The following ADRA1A variants were observed in gnomAD, a reference collection of about 807,000 sequenced individuals.
ADRA1A encodes the protein alpha-1A adrenergic receptor.
ADRA1A carries 31 observed loss-of-function variants against 29.6 expected under a neutral mutation model. That is an observed-to-expected ratio of 1.05 (90% CI 0.79 to 1.41). The LOEUF is 1.41. ADRA1A is among the 40% of genes most tolerant of loss of function. The pLI is 0.00. For synonymous variants in ADRA1A, 311 were observed against 254.3 expected (o/e 1.22, Z -2.12); for missense variants, 619 against 601.1 (o/e 1.03, Z -0.31).
chr8:26,822,347 C>G (rs1563280585), intron 2 of ADRA1A, among the ~76,000 whole-genome samples: 1 of 152,096 alleles, frequency 6.6e-6, no homozygotes, highest in Non-Finnish European at 1.5e-5. Flanking sequence ...TGTCTGAGGG[C>G]TAAAAGGGAT....
intron 2 of ADRA1A, among the ~76,000 whole-genome samples, chr8:26,839,854 G>C (rs1019488559): frequency 9.9e-5 from 15 of 152,272 alleles, no homozygotes; most frequent in Admixed American, 8.5e-4. Flanking sequence ...CCTATGGCTA[G>C]AGAGAAGCTC....
In ADRA1A at chr8:26,821,410, G is replaced by A. The variant is rs1483356192; in HGVS notation, c.883+42677C>T. ...GGGAGCAAGACAGAGCAAGGGAGTG[G>A]GGAGGCCTCAGACTTTTAAACAAGC... is the stretch of plus-strand genomic sequence containing the variant. On this transcript the variant is annotated intron_variant, in intron 2 of 2. Coordinates refer to ENST00000380573, the MANE Select transcript of ADRA1A (RefSeq NM_000680.4). The surrounding 1 kb of genome is among the most constrained non-coding windows in gnomAD (Gnocchi z 5.6). Among the ~76,000 whole-genome samples, 1 of 152,036 alleles carries A rather than the reference G, an allele frequency of 6.6e-6. No individual in the cohort carries two copies. The highest frequency in any genetic ancestry group is 1.5e-5 in the Non-Finnish European group (1 of 68,008).
Position 26,864,446 on chromosome 8 carries a change from A to T in ADRA1A, c.524T>A (p.Ile175Asn), listed in dbSNP as rs1347816678. ...WRQPAPEDET[I>N]CQINEEPGYV... ...GCCCGGCTCCTCGTTGATCTGGCAG[A>T]TGGTCTCGTCCTCGGGGGCCGGCTG... Residue 175 changes from isoleucine (I) to asparagine (N), a missense_variant, in exon 2 of 3, where the codon ATC becomes AAC. Physicochemically the swap from Ile to Asn is moderately radical, Grantham distance 149. Coordinates refer to ENST00000380573, the MANE Select transcript of ADRA1A (RefSeq NM_000680.4). The surrounding 1 kb of genome is among the most constrained non-coding windows in gnomAD (Gnocchi z 8.1). 1.9e-6 allele frequency: 3 copies of T among 1,613,348 alleles called. No individual in the cohort carries two copies. The Admixed American group carries it at 5.0e-5, about 27-fold the overall frequency.
intron 2 of ADRA1A, among the ~76,000 whole-genome samples, chr8:26,849,984 T>A (rs12543439): frequency 0.36 from 42,294 of 116,404 alleles, 6,544 homozygotes; most frequent in South Asian, 0.48. Context: ...AATGGAAATT[T>A]AAAAAAAAAT....
intron 2 of ADRA1A, among the ~76,000 whole-genome samples, chr8:26,785,997 G>T (rs919366091): frequency 6.6e-6 from 1 of 151,944 alleles, no homozygotes; most frequent in Admixed American, 6.6e-5. Flanking sequence ...TTGATCTCCT[G>T]CATGCCTGGG....
intron 2 of ADRA1A, among the ~76,000 whole-genome samples, chr8:26,846,682 C>A (rs1271679692): frequency 2.0e-5 from 3 of 152,142 alleles, no homozygotes; most frequent in African/African-American, 7.2e-5. Flanking sequence ...TGAGGCAGGG[C>A]AATCACTTGA....
Position 26,864,495 on chromosome 8 carries a change from T to A in ADRA1A, c.475A>T (p.Ile159Phe). Residue 159 changes from isoleucine to phenylalanine, a missense_variant, in exon 2 of 3, where the codon ATT becomes TTT. By Grantham distance (21) the Ile-to-Phe change is conservative. Transcript: ENST00000380573. This position sits in a 1 kb window ranked among gnomAD's most constrained non-coding sequence, Gnocchi z 8.1. ...TGCCTCCAGCCGAACAGGGGTCCAA[T>A]GGATATGACCAGGGAGAGTGCCCAG... ...CVWALSLVIS[I>F]GPLFGWRQPA... The A allele has an allele frequency of 6.2e-7, 1 of 1,613,782 alleles. No homozygotes were observed. Among genetic ancestry groups the A allele is most frequent in the South Asian group, 1.1e-5 (1 of 91,072 alleles).
chr8:26,839,036 A>G (rs1013808446), intron 2 of ADRA1A, among the ~76,000 whole-genome samples: 3 of 152,272 alleles, frequency 2.0e-5, no homozygotes, highest in African/African-American at 7.2e-5. Flanking sequence ...ATAGATATCA[A>G]GATAGACTTG....
rs1191244282 is a variant in ADRA1A, at chr8:26,815,321, C to G, written c.884-44655G>C. ...AGACAGAGTGGAAAAAGTTGATAAG[C>G]TTTCTTTTACATGCATGGTTAGGTT... is the stretch of plus-strand genomic sequence containing the variant. On this transcript the variant is annotated intron_variant, in intron 2 of 2. Transcript: ENST00000380573. This position sits in a 1 kb window ranked among gnomAD's most constrained non-coding sequence, Gnocchi z 4.2. 2.6e-5 allele frequency among the ~76,000 whole-genome samples: 4 copies of G among 152,140 alleles called. No individual in the cohort carries two copies. The highest frequency in any genetic ancestry group is 5.9e-5 in the Non-Finnish European group (4 of 68,012).
At chr8:26,797,604 T>C (rs751080122) in intron 2 of ADRA1A, among the ~76,000 whole-genome samples, 7 of 152,078 alleles carry the variant, frequency 4.6e-5, no homozygotes, top group Non-Finnish European at 7.4e-5. Context: ...TGACCTATTA[T>C]TGTTATTTTA....
chr8:26,853,312 A>T (rs921504265), intron 2 of ADRA1A, among the ~76,000 whole-genome samples: 2 of 152,218 alleles, frequency 1.3e-5, no homozygotes, highest in Non-Finnish European at 2.9e-5. Flanking sequence ...ATGTTAGCAG[A>T]TGTGCTTAAA....
chr8:26,842,866 T>TACACACAC lies in ADRA1A; in HGVS notation c.883+21213_883+21220dup, dbSNP rs57750998. ...CTCTCTCTCTCCCTCTCTCTCTTTC[T>TACACACAC]ACACACACACACACACACACACACA... is the stretch of plus-strand genomic sequence containing the variant. On this transcript the variant is annotated intron_variant, in intron 2 of 2. Transcript: ENST00000380573. 5.6e-3 allele frequency among the ~76,000 whole-genome samples: 801 copies of TACACACAC among 142,718 alleles called. 5 individuals are homozygous for TACACACAC. The highest frequency in any genetic ancestry group is 0.024 in the Middle Eastern group (7 of 286). The allele number at this position is 142,718 out of a possible 152,430, so 93.6% of individuals were successfully genotyped here. A position where few individuals can be genotyped will look rare whatever the true frequency, so the allele number is the denominator to read the frequency against.
chr8:26,839,149 T>C (rs1302561213), intron 2 of ADRA1A, among the ~76,000 whole-genome samples: 1 of 144,092 alleles, frequency 6.9e-6, no homozygotes, highest in Non-Finnish European at 1.5e-5. Flanking sequence ...TTCACTTCTC[T>C]GTGAAGAATT....
chr8:26,813,863 A>C (rs1457210282), intron 2 of ADRA1A, among the ~76,000 whole-genome samples: 1 of 152,188 alleles, frequency 6.6e-6, no homozygotes, highest in Non-Finnish European at 1.5e-5. Context: ...AAACCTGGAC[A>C]CAGTGAAGGA....
At chr8:26,862,281 C>T (rs773542377) in intron 2 of ADRA1A, among the ~76,000 whole-genome samples, 4 of 152,192 alleles carry the variant, frequency 2.6e-5, no homozygotes, top group Non-Finnish European at 5.9e-5. Context: ...CTCTTCAGTC[C>T]AGTCAGGACT....
downstream of ADRA1A, chr8:26,756,309 T>A: frequency 1.7e-6 from 1 of 579,384 alleles, no homozygotes; most frequent in Non-Finnish European, 2.6e-6. Flanking sequence ...GATGAATACA[T>A]CTCTTAAGAA....
At chr8:26,790,903 G>T (rs1309440819) in intron 2 of ADRA1A, among the ~76,000 whole-genome samples, 1 of 152,050 alleles carries the variant, frequency 6.6e-6, no homozygotes, top group Non-Finnish European at 1.5e-5. Context: ...TGTCTTTTAA[G>T]ATACAAAATT....
chr8:26,784,180 A>G (rs1439455584), intron 2 of ADRA1A, among the ~76,000 whole-genome samples: 1 of 152,234 alleles, frequency 6.6e-6, no homozygotes, highest in Non-Finnish European at 1.5e-5. Flanking sequence ...GGAACTTAAA[A>G]TAAAAGTTGA....
chr8:26,781,401 A>T (rs2130356656), intron 2 of ADRA1A, among the ~76,000 whole-genome samples: 1 of 152,330 alleles, frequency 6.6e-6, no homozygotes, highest in South Asian at 2.1e-4. Flanking sequence ...GATCAACATG[A>T]TTCTCAATGA....
Sources: allele counts gnomAD v4.1 joint callset (sites outside exome capture counted in the v4.1 genomes callset), GRCh38; gene constraint gnomAD v4.1.1; non-coding constraint Gnocchi (gnomAD v3.1); transcripts MANE v1.5; gene names NCBI Gene and HGNC (gene_info 2026-07-23, HGNC 2026-07-21).